FARP2: variants seen among roughly 807,000 people sequenced by gnomAD.
The protein encoded by FARP2 is FERM, ARH/RhoGEF and pleckstrin domain protein 2, also known as FERM, ARHGEF and pleckstrin domain-containing protein 2.
In FARP2, 111 loss-of-function variants were observed where a neutral mutation model predicts 130.5. The ratio of observed to expected loss-of-function variants is 0.85; its 90% CI spans 0.73 to 1.00. FARP2 has a LOEUF of 1.00. Ranked by LOEUF, FARP2 falls within the 50% of genes least tolerant of loss-of-function variation. FARP2 has a pLI of 0.00. For synonymous variants in FARP2, 504 were observed against 516.9 expected, an observed-to-expected ratio of 0.98 and a Z score of 0.34; for missense variants, 1,385 against 1,346.3, an observed-to-expected ratio of 1.03 and a Z score of -0.45.
chr2:241,373,438 A>G (rs1449883758), intron 2 of FARP2, 148 bp downstream of exon 2: 1 of 464,584 alleles, frequency 2.2e-6, no homozygotes, highest in East Asian at 3.6e-5. Context: ...TAGAAACAGT[A>G]AATCTGAATT....
chr2:241,406,628 G>C (rs373404767), intron 4 of FARP2, among the ~76,000 whole-genome samples: 10 of 148,476 alleles, frequency 6.7e-5, no homozygotes, highest in South Asian at 6.3e-4. Context: ...GGGTTTTTTT[G>C]GGGGGGAGAG....
Position 241,441,318 on chromosome 2 carries a change from C to G in FARP2, c.1173C>G (p.Pro391=), listed in dbSNP as rs376694774. ...ADLPKQSISF[P]EGLRTPASPS... ...TTGGTTCCCAGAGCATCTCATTCCC[C>G]GAGGGATTGAGGACTCCTGCCTCCC... is the stretch of plus-strand genomic sequence containing the variant. Residue 391 remains proline, a synonymous_variant, in exon 13 of 27, where the codon CCC becomes CCG. Coordinates refer to ENST00000264042, the MANE Select transcript of FARP2 (RefSeq NM_014808.4). The G allele has an allele frequency of 1.3e-6, 2 of 1,596,050 alleles. No homozygotes were observed. Among genetic ancestry groups the G allele is most frequent in the Non-Finnish European group, 1.7e-6 (2 of 1,168,012 alleles).
At chr2:241,399,156 ACTTTT>A (rs1157610209) in intron 2 of FARP2, among the ~76,000 whole-genome samples, 1 of 151,926 alleles carries the variant, frequency 6.6e-6, no homozygotes, top group Non-Finnish European at 1.5e-5. Context: ...ATATTGTCCA[ACTTTT>A]CTTGTTGTTT....
chr2:241,422,465 G>A (rs1478566662), intron 8 of FARP2, among the ~76,000 whole-genome samples: 1 of 150,912 alleles, frequency 6.6e-6, no homozygotes, highest in African/African-American at 2.4e-5. Flanking sequence ...CCCATTCAAA[G>A]GTCAGCAACC....
intron 7 of FARP2, among the ~76,000 whole-genome samples, chr2:241,415,294 C>T (rs1205731351): frequency 6.6e-6 from 1 of 152,186 alleles, no homozygotes; most frequent in African/African-American, 2.4e-5. Context: ...GAAGGTACAG[C>T]TGTTCTGAGT....
At chr2:241,368,350 T>C (rs1401466393) in intron 1 of FARP2, among the ~76,000 whole-genome samples, 1 of 152,098 alleles carries the variant, frequency 6.6e-6, no homozygotes, top group Non-Finnish European at 1.5e-5. Flanking sequence ...GAGGTTTCGC[T>C]GGCAGGAGCA....
intron 2 of FARP2, among the ~76,000 whole-genome samples, chr2:241,397,928 C>T (rs2062070888): frequency 6.7e-6 from 1 of 149,060 alleles, no homozygotes; most frequent in Non-Finnish European, 1.5e-5. Context: ...CTCCCAGGTT[C>T]ACACCATTCT....
At chr2:241,357,268 C>T (rs1559695350) in intron 1 of FARP2, among the ~76,000 whole-genome samples, 1 of 152,132 alleles carries the variant, frequency 6.6e-6, no homozygotes, top group Non-Finnish European at 1.5e-5. Context: ...TTTGTCTGGG[C>T]CACTGTGTAA....
At position 241,462,547 on chromosome 2, in the gene FARP2, TTC is replaced by T. The variant is rs773366607; in HGVS notation, c.1613_1614del (p.Phe538TyrfsTer50). On this transcript the variant is annotated frameshift_variant, in exon 15 of 27. Transcript: ENST00000264042. LOFTEE classifies it high-confidence loss of function. ...GCGCGTGCCTGCAGACGAGGCCTAC[TTC>T]ATAGTCAAAGAGATTCTCGCTACAG... is the stretch of plus-strand genomic sequence containing the variant. Reference protein sequence around the residue: ...HKRVPADEAYFIVKEILATER... With the variant: ...HKRVPADEAYXIVKEILATER... 5 of 1,614,024 alleles carry T rather than the reference TTC, an allele frequency of 3.1e-6. No homozygotes were observed. The South Asian group carries it at 5.5e-5, about 18-fold the overall frequency.
intron 3 of FARP2, 122 bp downstream of exon 3, chr2:241,404,054 G>A (rs1483542525): frequency 9.6e-6 from 6 of 622,852 alleles, no homozygotes; most frequent in Admixed American, 2.8e-5. Flanking sequence ...ATATATTCTT[G>A]TTAGCTGTAG....
At chr2:241,420,511 GTA>G (rs1341962818) in intron 8 of FARP2, among the ~76,000 whole-genome samples, 1 of 152,160 alleles carries the variant, frequency 6.6e-6, no homozygotes, top group African/African-American at 2.4e-5. Context: ...ATGTATCACT[GTA>G]TTACATTTTC....
intron 1 of FARP2, among the ~76,000 whole-genome samples, chr2:241,360,357 G>C (rs2061159658): frequency 6.6e-6 from 1 of 152,174 alleles, no homozygotes; most frequent in African/African-American, 2.4e-5. Context: ...TTTAGAAAGT[G>C]AGGCTGGGAG....
chr2:241,435,903 A>G (rs1239611762), intron 11 of FARP2, among the ~76,000 whole-genome samples: 3 of 143,196 alleles, frequency 2.1e-5, no homozygotes, highest in Non-Finnish European at 3.0e-5. Context: ...TACATAGTAT[A>G]GTAAATTTTT....
At chr2:241,484,745 T>C (rs1419004029) in intron 21 of FARP2, among the ~76,000 whole-genome samples, 1 of 152,166 alleles carries the variant, frequency 6.6e-6, no homozygotes, top group African/African-American at 2.4e-5. Context: ...GAAGAGAAAT[T>C]CCTCATTTTA....
At chr2:241,483,433 C>T (rs369151865) in intron 19 of FARP2, 32 bp from the exon 20 acceptor site, 674 of 1,597,004 alleles carry the variant, frequency 4.2e-4, no homozygotes, top group Non-Finnish European at 5.0e-4. Context: ...GCCCTCAGCC[C>T]GCTGAAAGGG....
In FARP2 at chr2:241,482,802, G is replaced by T. The variant is rs1460986440; in HGVS notation, c.2263-663G>T. Among the ~76,000 whole-genome samples, 1 of 152,142 alleles carries T rather than the reference G, an allele frequency of 6.6e-6. No homozygotes were observed. The highest frequency in any genetic ancestry group is 2.4e-5 in the African/African-American group (1 of 41,426). ...GTGGAAGGGCTCCAGAGCAGTCCAG[G>T]TTAGGAATCTGAGGGGCTCCCAGGA... On this transcript the variant is annotated intron_variant, in intron 19 of 26. Transcript: ENST00000264042. This position sits in a 1 kb window ranked among gnomAD's most constrained non-coding sequence, Gnocchi z 4.6.
At chr2:241,434,473 T>A in intron 10 of FARP2, 152 bp downstream of exon 10, 1 of 615,748 alleles carries the variant, frequency 1.6e-6, no homozygotes, top group Non-Finnish European at 2.6e-6. Context: ...AGAGGAAGCA[T>A]ATGAAATAAA....
chr2:241,389,419 C>A (rs2061857528), intron 2 of FARP2, among the ~76,000 whole-genome samples: 1 of 152,206 alleles, frequency 6.6e-6, no homozygotes, highest in Admixed American at 6.5e-5. Flanking sequence ...GTTAACCAAG[C>A]CTTATACATC....
intron 25 of FARP2, 26 bp downstream of exon 25, chr2:241,493,062 T>G (rs1424243857): frequency 2.3e-6 from 3 of 1,314,800 alleles, no homozygotes; most frequent in Non-Finnish European, 3.3e-6. Flanking sequence ...TGGAGCCCAA[T>G]GCAGGTGATG....
Sources: allele counts gnomAD v4.1 joint callset (sites outside exome capture counted in the v4.1 genomes callset), GRCh38; gene constraint gnomAD v4.1.1; non-coding constraint Gnocchi (gnomAD v3.1); transcripts MANE v1.5; gene names NCBI Gene and HGNC (gene_info 2026-07-23, HGNC 2026-07-21).